KIAA1217: variants seen among roughly 807,000 people sequenced by gnomAD.
KIAA1217 encodes sickle tail protein homolog.
In KIAA1217, 88 loss-of-function variants were observed where a neutral mutation model predicts 163.9. That is an observed-to-expected ratio of 0.54 (90% CI 0.45 to 0.64). The LOEUF (loss-of-function observed/expected upper bound fraction) is 0.64, where lower values mean the gene tolerates loss of function less well. Ranked by LOEUF, KIAA1217 falls within the 30% of genes least tolerant of loss-of-function variation. The probability of loss-of-function intolerance (pLI) is 0.00; values close to 1 mark genes in which losing one functional copy is unlikely to be tolerated. For missense variants in KIAA1217, 2,372 were observed against 2,475.0 expected (o/e 0.96, Z 0.88); for synonymous variants, 903 against 923.1 (o/e 0.98, Z 0.39).
At chr10:23,783,651 A>C (rs1176504735) in intron 1 of KIAA1217, among the ~76,000 whole-genome samples, 3 of 151,720 alleles carry the variant, frequency 2.0e-5, no homozygotes, top group Non-Finnish European at 4.4e-5. Flanking sequence ...TTTTTCTTTG[A>C]GTGTTTGGTA....
intron 2 of KIAA1217, among the ~76,000 whole-genome samples, chr10:24,073,070 A>G (rs555328763): frequency 8.6e-4 from 131 of 151,920 alleles, no homozygotes; most frequent in African/African-American, 2.8e-3. Context: ...AAAAAAAAAA[A>G]AAAGAAAGAA....
At chr10:24,514,471 G>GA (rs138850795) in intron 10 of KIAA1217, among the ~76,000 whole-genome samples, 10,489 of 152,026 alleles carry the variant, frequency 0.069, 416 homozygotes, top group South Asian at 0.11. Flanking sequence ...AGTCTAGAGG[G>GA]AAAAAAACAT....
intron 2 of KIAA1217, among the ~76,000 whole-genome samples, chr10:24,335,278 C>T (rs760577322): frequency 6.1e-5 from 9 of 148,280 alleles, no homozygotes; most frequent in Non-Finnish European, 1.0e-4. Flanking sequence ...GGAATAACTG[C>T]TAATGGGCAA....
chr10:23,747,296 A>G (rs776857118), intron 1 of KIAA1217, among the ~76,000 whole-genome samples: 4 of 152,290 alleles, frequency 2.6e-5, no homozygotes, highest in Non-Finnish European at 5.9e-5. Flanking sequence ...CCAGGGAAGT[A>G]TTGGCATTTA....
intron 1 of KIAA1217, among the ~76,000 whole-genome samples, chr10:23,960,945 A>C (rs893410750): frequency 2.0e-5 from 3 of 152,222 alleles, no homozygotes; most frequent in African/African-American, 7.2e-5. Context: ...AGTCACTAAA[A>C]TATGAAATTA....
chr10:23,981,598 A>G (rs943077452), intron 1 of KIAA1217, among the ~76,000 whole-genome samples: 1 of 152,200 alleles, frequency 6.6e-6, no homozygotes, highest in African/African-American at 2.4e-5. Flanking sequence ...GGATTACAAC[A>G]TTAATTTTTT....
intron 2 of KIAA1217, chr10:24,369,001 G>A (rs780394280): frequency 4.1e-5 from 11 of 267,672 alleles, no homozygotes; most frequent in East Asian, 1.8e-4. Context: ...GAGTTGCACC[G>A]TGAGTTCATG....
intron 2 of KIAA1217, among the ~76,000 whole-genome samples, chr10:24,010,906 G>A (rs771842736): frequency 2.6e-5 from 4 of 152,060 alleles, no homozygotes; most frequent in Non-Finnish European, 4.4e-5. Context: ...CAAAAGATGG[G>A]ATTAGGATGC....
rs117907740 is a variant in KIAA1217, at chr10:24,506,991, C to T, written c.2001+5446C>T. Among the ~76,000 whole-genome samples, 1,141 of 152,296 alleles carry T rather than the reference C, an allele frequency of 7.5e-3. 5 individuals carry two copies. The highest frequency in any genetic ancestry group is 0.013 in the Non-Finnish European group (861 of 68,022). Reference sequence around the variant, plus strand: ...GTCGGGGGCTGTAAGCCAAAAAGTTCCCGAAGTTCACACAGGCCTGGGAGA... The same window carrying T: ...GTCGGGGGCTGTAAGCCAAAAAGTTTCCGAAGTTCACACAGGCCTGGGAGA... On this transcript the variant is annotated intron_variant, in intron 9 of 20. Coordinates refer to ENST00000376454, the MANE Select transcript of KIAA1217 (RefSeq NM_019590.5).
chr10:24,016,907 T>C (rs1213767515), intron 2 of KIAA1217, among the ~76,000 whole-genome samples: 3 of 152,026 alleles, frequency 2.0e-5, no homozygotes, highest in African/African-American at 4.8e-5. Flanking sequence ...AGTAATACAA[T>C]ATAGAACTAT....
chr10:24,405,287 C>G (rs1438027996), intron 3 of KIAA1217, among the ~76,000 whole-genome samples: 1 of 152,024 alleles, frequency 6.6e-6, no homozygotes, highest in Admixed American at 6.6e-5. Flanking sequence ...TTGCAACTTT[C>G]TTATTATAAT....
At chr10:23,791,350 C>T (rs1410997713) in intron 1 of KIAA1217, among the ~76,000 whole-genome samples, 1 of 152,176 alleles carries the variant, frequency 6.6e-6, no homozygotes, top group Admixed American at 6.5e-5. Flanking sequence ...AGTCTTATTT[C>T]ATCTAACTTC....
chr10:24,030,481 G>T (rs186046885), intron 2 of KIAA1217, among the ~76,000 whole-genome samples: 139 of 152,198 alleles, frequency 9.1e-4, no homozygotes, highest in African/African-American at 3.2e-3. Flanking sequence ...GTTTCCTGAG[G>T]CCTCTTCAGC....
At chr10:24,471,690 C>T (rs552979995) in intron 5 of KIAA1217, among the ~76,000 whole-genome samples, 61 of 151,958 alleles carry the variant, frequency 4.0e-4, no homozygotes, top group African/African-American at 1.3e-3. Context: ...CAAGACTAGC[C>T]GGGCCAACAT....
intron 2 of KIAA1217, among the ~76,000 whole-genome samples, chr10:24,184,704 A>G (rs967844885): frequency 6.6e-6 from 1 of 152,210 alleles, no homozygotes; most frequent in Admixed American, 6.5e-5. Context: ...TAGGAGAAAC[A>G]GAAAAGCTGG....
At chr10:24,319,919 C>T (rs1443169325) in intron 2 of KIAA1217, among the ~76,000 whole-genome samples, 4 of 152,164 alleles carry the variant, frequency 2.6e-5, no homozygotes, top group Non-Finnish European at 2.9e-5. Flanking sequence ...ACCCTACATT[C>T]GGGAAAATGT....
chr10:24,345,468 A>C (rs1224343131), intron 2 of KIAA1217, among the ~76,000 whole-genome samples: 1 of 152,242 alleles, frequency 6.6e-6, no homozygotes, highest in East Asian at 1.9e-4. Flanking sequence ...TAAGATCTCA[A>C]GGAATCAAAA....
chr10:24,270,755 C>G (rs911955293), intron 2 of KIAA1217, among the ~76,000 whole-genome samples: 6 of 152,130 alleles, frequency 3.9e-5, no homozygotes, highest in African/African-American at 1.4e-4. Context: ...CCATGTTACC[C>G]AGGCTGGTCT....
intron 1 of KIAA1217, among the ~76,000 whole-genome samples, chr10:23,722,739 G>T (rs554060867): frequency 6.6e-6 from 1 of 152,274 alleles, no homozygotes; most frequent in Admixed American, 6.5e-5. Context: ...GAAGTACCTT[G>T]TTCCAGGTCA....
Sources: allele counts gnomAD v4.1 joint callset (sites outside exome capture counted in the v4.1 genomes callset), GRCh38; gene constraint gnomAD v4.1.1; transcripts MANE v1.5; gene names NCBI Gene and HGNC (gene_info 2026-07-23, HGNC 2026-07-21).